The following TNS1 variants were observed in gnomAD, a reference collection of about 807,000 sequenced individuals.
The protein encoded by TNS1 is tensin 1, also known as tensin-1.
In TNS1, 62 loss-of-function variants were observed where a neutral mutation model predicts 168.6. The ratio of observed to expected loss-of-function variants is 0.37; its 90% CI spans 0.30 to 0.45. TNS1 has a LOEUF of 0.45. TNS1 is among the 20% of genes least tolerant of loss of function. The pLI is 1.00. For synonymous variants in TNS1, 934 were observed against 933.2 expected, an observed-to-expected ratio of 1.00 and a Z score of -0.02; for missense variants, 2,240 against 2,339.4, an observed-to-expected ratio of 0.96 and a Z score of 0.88.
chr2:217,901,344 C>T (rs1360610520), intron 6 of TNS1, among the ~76,000 whole-genome samples: 1 of 152,178 alleles, frequency 6.6e-6, no homozygotes. Flanking sequence ...AGTGAGGATC[C>T]AAAGGAGTTA....
At chr2:218,020,819 C>T (rs1477482589) in intron 1 of TNS1, among the ~76,000 whole-genome samples, 1 of 152,138 alleles carries the variant, frequency 6.6e-6, no homozygotes, top group Non-Finnish European at 1.5e-5. Flanking sequence ...CAGCCAGATA[C>T]CCCAGAGCAA....
chr2:217,933,138 T>G (rs1035702022), intron 3 of TNS1, among the ~76,000 whole-genome samples: 1 of 152,154 alleles, frequency 6.6e-6, no homozygotes, highest in Non-Finnish European at 1.5e-5. Context: ...ACCAGCATTG[T>G]TTGGCTCCAT....
chr2:217,942,224 C>T (rs751216905), intron 3 of TNS1, among the ~76,000 whole-genome samples: 3 of 152,162 alleles, frequency 2.0e-5, no homozygotes, highest in Non-Finnish European at 2.9e-5. Context: ...CCTCCTCCAC[C>T]GCCAAGAACC....
upstream of TNS1, among the ~76,000 whole-genome samples, chr2:218,006,384 C>T (rs1017153201): frequency 6.6e-6 from 1 of 152,194 alleles, no homozygotes; most frequent in Non-Finnish European, 1.5e-5. Context: ...CACGAGTTTC[C>T]CAGGCCAAGG....
intron 2 of TNS1, among the ~76,000 whole-genome samples, chr2:217,990,134 C>T (rs1347770810): frequency 7.2e-6 from 1 of 138,942 alleles, no homozygotes; most frequent in Admixed American, 7.1e-5. Flanking sequence ...ACACACCAGC[C>T]ACAGACCCTC....
At chr2:217,945,732 C>G (rs1273925887) in intron 3 of TNS1, among the ~76,000 whole-genome samples, 5 of 152,182 alleles carry the variant, frequency 3.3e-5, no homozygotes, top group African/African-American at 1.2e-4. Context: ...AGCCTCAAAC[C>G]AAGTCTCCCA....
At chr2:217,828,485 C>A (rs1943928095) in intron 22 of TNS1, among the ~76,000 whole-genome samples, 1 of 152,236 alleles carries the variant, frequency 6.6e-6, no homozygotes, top group South Asian at 2.1e-4. Flanking sequence ...CCCATCAGAA[C>A]TGGAAGTGAT....
chr2:217,943,491 C>A (rs1213386132), intron 3 of TNS1, among the ~76,000 whole-genome samples: 6 of 152,188 alleles, frequency 3.9e-5, no homozygotes, highest in Non-Finnish European at 7.3e-5. Context: ...GTCCCTGTGT[C>A]CCTCCCTACT....
chr2:217,928,831 C>G (rs1956168762), intron 3 of TNS1, among the ~76,000 whole-genome samples: 1 of 152,142 alleles, frequency 6.6e-6, no homozygotes, highest in Non-Finnish European at 1.5e-5. Flanking sequence ...ACTCACTGAC[C>G]CCCCAGCCCA....
At chr2:217,975,669 C>T (rs62182223) in intron 3 of TNS1, among the ~76,000 whole-genome samples, 1 of 152,200 alleles carries the variant, frequency 6.6e-6, no homozygotes, top group East Asian at 1.9e-4. Context: ...TAAGTGAAAC[C>T]ATGTGCACCC....
chr2:217,983,896 C>T (rs994057333), intron 2 of TNS1, among the ~76,000 whole-genome samples: 38 of 152,326 alleles, frequency 2.5e-4, no homozygotes, highest in African/African-American at 7.9e-4. Context: ...CGGTGAAACA[C>T]TATTCTGGAT....
At position 217,893,536 on chromosome 2, in the gene TNS1, A is replaced by C. The variant is rs752284144; in HGVS notation, c.620T>G (p.Leu207Arg). The C allele has an allele frequency of 3.7e-6, 6 of 1,612,288 alleles. No individual in the cohort carries two copies. In the African/African-American group the frequency reaches 8.0e-5, roughly 22 times the overall value. ...GATCTTCTCCAGGGCTGGGGTGTGG[A>C]GGTCGGGCCAGCCAAATTCCAGTAC... ...AKVLEFGWPD[L>R]HTPALEKICS... Residue 207 changes from leucine (L) to arginine (R), a missense_variant, in exon 10 of 33, where the codon CTC becomes CGC. Leu to Arg is a moderately radical substitution (Grantham distance 102, BLOSUM62 -2). Transcript: ENST00000682258.
At chr2:218,006,573 A>C (rs1958659008), upstream of TNS1, among the ~76,000 whole-genome samples, 1 of 152,208 alleles carries the variant, frequency 6.6e-6, no homozygotes, top group South Asian at 2.1e-4. Flanking sequence ...TCAGCTGCCC[A>C]GGGGTCACGG....
At chr2:217,923,650 A>G (rs1955854064) in intron 3 of TNS1, among the ~76,000 whole-genome samples, 1 of 152,202 alleles carries the variant, frequency 6.6e-6, no homozygotes, top group African/African-American at 2.4e-5. Context: ...TGAGTGCACT[A>G]TGTCTACACT....
intron 24 of TNS1, chr2:217,815,294 A>G (rs76302586): frequency 0.11 from 34,399 of 326,568 alleles, 2,389 homozygotes; most frequent in Non-Finnish European, 0.14. Flanking sequence ...GACACCAAGG[A>G]TGCTGGCAGC....
chr2:217,919,616 A>C (rs763104347), intron 4 of TNS1, among the ~76,000 whole-genome samples: 1 of 152,248 alleles, frequency 6.6e-6, no homozygotes, highest in Non-Finnish European at 1.5e-5. Flanking sequence ...AGGGTGGAGC[A>C]GGGCCCTCTC....
chr2:217,984,885 A>G (rs1042062021), intron 2 of TNS1, among the ~76,000 whole-genome samples: 114 of 151,606 alleles, frequency 7.5e-4, no homozygotes, highest in African/African-American at 2.7e-3. Context: ...CCTCCCGAGT[A>G]GCTGGAATTA....
chr2:217,828,846 G>A (rs575215826), intron 22 of TNS1, among the ~76,000 whole-genome samples: 11 of 152,338 alleles, frequency 7.2e-5, no homozygotes, highest in African/African-American at 2.2e-4. Flanking sequence ...TGAGATCCCC[G>A]AAAGACAGAC....
At chr2:217,965,119 G>T (rs1183610628) in intron 3 of TNS1, among the ~76,000 whole-genome samples, 1 of 152,260 alleles carries the variant, frequency 6.6e-6, no homozygotes, top group African/African-American at 2.4e-5. Context: ...CAGTCATTCA[G>T]TGGAGCTGCC....
Sources: gnomAD v4.1 joint callset for allele counts (sites outside exome capture counted in the v4.1 genomes callset) on GRCh38, gnomAD v4.1.1 for gene constraint, MANE v1.5 for transcripts, NCBI Gene and HGNC (gene_info 2026-07-23, HGNC 2026-07-21) for gene names.